The following DNAH9 variants were observed in gnomAD, a reference collection of about 807,000 sequenced individuals.
The protein encoded by DNAH9 is dynein axonemal heavy chain 9, also known as DNAH9 variant protein.
A neutral mutation model predicts 471.6 loss-of-function variants in DNAH9; 345 were observed. That is an observed-to-expected ratio of 0.73 (90% CI 0.67 to 0.80). The LOEUF is 0.80. Among genes scored for constraint, DNAH9 ranks in the 30% least tolerant of loss-of-function variants. The pLI, the probability that DNAH9 is intolerant of heterozygous loss-of-function variation, is 0.00. For synonymous variants in DNAH9, 2,093 were observed against 2,123.6 expected, an observed-to-expected ratio of 0.99 and a Z score of 0.40; for missense variants, 5,407 against 5,609.2, an observed-to-expected ratio of 0.96 and a Z score of 1.15.
At chr17:11,869,345 A>C (rs745358078) in intron 51 of DNAH9, 92 bp downstream of exon 51, 17 of 1,506,588 alleles carry the variant, frequency 1.1e-5, no homozygotes, top group Non-Finnish European at 1.1e-5. Context: ...ACAGCACAGC[A>C]GCGCTTTGAC....
At chr17:11,885,323 G>A (rs74518789) in intron 56 of DNAH9, among the ~76,000 whole-genome samples, 179 of 152,296 alleles carry the variant, frequency 1.2e-3, no homozygotes, top group Non-Finnish European at 1.9e-3. Context: ...GAACATAGAG[G>A]GGGTGGGAGC....
At chr17:11,959,546 C>A (rs377150569) in intron 67 of DNAH9, among the ~76,000 whole-genome samples, 1 of 152,154 alleles carries the variant, frequency 6.6e-6, no homozygotes, top group Non-Finnish European at 1.5e-5. Context: ...TTCTCAGAAG[C>A]CTGTGTACAC....
At chr17:11,704,127 C>T (rs2074653995) in intron 24 of DNAH9, 76 bp from the exon 25 acceptor site, 1 of 1,541,280 alleles carries the variant, frequency 6.5e-7, no homozygotes, top group Non-Finnish European at 8.9e-7. Context: ...ACATCCTGAG[C>T]CCTTGCTGTG....
intron 27 of DNAH9, among the ~76,000 whole-genome samples, chr17:11,726,228 A>G (rs183469765): frequency 9.2e-5 from 14 of 152,222 alleles, no homozygotes; most frequent in South Asian, 2.1e-4. Context: ...TGAGATCCCC[A>G]TATCTTCTGA....
At position 11,689,936 on chromosome 17, in the gene DNAH9, G is replaced by T; in HGVS notation, c.4114G>T (p.Ala1372Ser). ...TVWNTLSSLR[A>S]VAELQNPAIR... ...GTGGAACACGCTGAGCTCCCTGAGG[G>T]CAGTAGCTGAGCTGCAGAATCCAGC... Residue 1372 changes from alanine to serine, a missense_variant, in exon 20 of 69, where the codon GCA becomes TCA. Transcript: ENST00000262442. The T allele has an allele frequency of 6.2e-7, 1 of 1,611,416 alleles. No individual in the cohort carries two copies.
Position 11,757,711 on chromosome 17 carries a change from A to G in DNAH9, c.6995+19A>G. The G allele has an allele frequency of 1.2e-6, 2 of 1,612,852 alleles. No homozygotes were observed. Among genetic ancestry groups the G allele is most frequent in the South Asian group, 1.1e-5 (1 of 90,948 alleles). ...GAACCAGGTAGGCCAAGAAACAAGG[A>G]AGATAGAGAGTTAAAGCAGCAATAA... On this transcript the variant is annotated intron_variant, in intron 35 of 68. Coordinates refer to ENST00000262442, the MANE Select transcript of DNAH9 (RefSeq NM_001372.4).
chr17:11,705,683 G>A (rs181666260), intron 26 of DNAH9, among the ~76,000 whole-genome samples: 27 of 152,246 alleles, frequency 1.8e-4, no homozygotes, highest in African/African-American at 6.3e-4. Context: ...CATGACTATA[G>A]CTAGCAACAG....
intron 38 of DNAH9, among the ~76,000 whole-genome samples, chr17:11,779,551 C>T (rs886401385): frequency 1.3e-5 from 2 of 152,140 alleles, no homozygotes; most frequent in African/African-American, 2.4e-5. Context: ...TTCTCCTCAA[C>T]GATCCTTTTA....
At position 11,667,443 on chromosome 17, in the gene DNAH9, C is replaced by T. The variant is rs982991189; in HGVS notation, c.2732-1621C>T. Among the ~76,000 whole-genome samples the T allele has an allele frequency of 3.3e-5, 5 of 152,090 alleles. No individual in the cohort carries two copies. In the East Asian group the frequency reaches 7.7e-4, roughly 23 times the overall value. The stretch of plus-strand genomic sequence containing the variant: ...CCTTAAGTTAAATATTGGGACTGTC[C>T]TGAGTCCAATAATGAGAATTTGTCA... On this transcript the variant is annotated intron_variant, in intron 15 of 68. Coordinates refer to ENST00000262442, the MANE Select transcript of DNAH9 (RefSeq NM_001372.4).
At chr17:11,959,262 C>T (rs1412022936) in intron 67 of DNAH9, among the ~76,000 whole-genome samples, 2 of 152,130 alleles carry the variant, frequency 1.3e-5, no homozygotes, top group Non-Finnish European at 2.9e-5. Context: ...TCCTTCATAA[C>T]GTGGTAAGGG....
rs1259649356 is a variant in DNAH9 at position 11,923,873 on chromosome 17, G to A, written c.11809G>A (p.Gly3937Arg). Residue 3937 changes from glycine (G) to arginine (R), a missense_variant, in exon 62 of 69, where the codon GGA (glycine) becomes AGA (arginine). By Grantham distance (125) the Gly-to-Arg change is moderately radical. Coordinates refer to ENST00000262442, the MANE Select transcript of DNAH9 (RefSeq NM_001372.4). ...QNFHNVSLGQ[G>R]QEVVAEAALD... ...CTTTCACAACGTGTCTTTGGGGCAA[G>A]GACAGGAAGTGGTGGCTGAGGCTGC... The A allele has an allele frequency of 6.2e-7, 1 of 1,614,088 alleles. No homozygotes were observed. Among genetic ancestry groups the A allele is most frequent in the Admixed American group, 1.7e-5 (1 of 60,010 alleles).
At chr17:11,693,847 C>T (rs1281089618) in intron 20 of DNAH9, 21 bp from the exon 21 acceptor site, 1 of 1,613,942 alleles carries the variant, frequency 6.2e-7, no homozygotes. Context: ...TGGTTAATTG[C>T]TTCCACATTT....
At chr17:11,910,444 C>T (rs1299392647) in intron 61 of DNAH9, among the ~76,000 whole-genome samples, 2 of 152,168 alleles carry the variant, frequency 1.3e-5, no homozygotes, top group African/African-American at 4.8e-5. Flanking sequence ...CACATTTTAT[C>T]TCTCTATTCA....
intron 36 of DNAH9, 23 bp downstream of exon 36, chr17:11,763,637 A>C (rs369021809): frequency 1.2e-6 from 2 of 1,609,736 alleles, no homozygotes; most frequent in Non-Finnish European, 1.7e-6. Flanking sequence ...GTTGAGCTCA[A>C]CAACCACACT....
chr17:11,736,315 A>T (rs2075345439), intron 28 of DNAH9, among the ~76,000 whole-genome samples: 1 of 152,226 alleles, frequency 6.6e-6, no homozygotes, highest in South Asian at 2.1e-4. Context: ...TGGCTTTAAG[A>T]TCTTCAGAAA....
intron 48 of DNAH9, among the ~76,000 whole-genome samples, chr17:11,828,427 C>A (rs368892433): frequency 7.0e-6 from 1 of 142,672 alleles, no homozygotes; most frequent in Non-Finnish European, 1.5e-5. Flanking sequence ...GAGCTGAGAT[C>A]GCACCATTGC....
At chr17:11,920,849 A>T (rs1443832790) in intron 61 of DNAH9, among the ~76,000 whole-genome samples, 1 of 151,772 alleles carries the variant, frequency 6.6e-6, no homozygotes, top group Non-Finnish European at 1.5e-5. Flanking sequence ...TCAGTGAGAA[A>T]GGGGTTTTTA....
At chr17:11,865,392 G>A (rs1321346235) in intron 50 of DNAH9, among the ~76,000 whole-genome samples, 1 of 152,038 alleles carries the variant, frequency 6.6e-6, no homozygotes, top group Non-Finnish European at 1.5e-5. Flanking sequence ...GAGATCCGCT[G>A]TTAGTCTGAT....
intron 27 of DNAH9, among the ~76,000 whole-genome samples, chr17:11,725,248 C>A (rs1356822510): frequency 6.6e-6 from 1 of 152,210 alleles, no homozygotes; most frequent in East Asian, 1.9e-4. Context: ...AAACACAACG[C>A]CTGGAACTTC....
Sources: allele counts gnomAD v4.1 joint callset (sites outside exome capture counted in the v4.1 genomes callset), GRCh38; gene constraint gnomAD v4.1.1; transcripts MANE v1.5; gene names NCBI Gene and HGNC (gene_info 2026-07-23, HGNC 2026-07-21).